The following FRMD5 variants were observed in gnomAD, a reference collection of about 807,000 sequenced individuals.
FRMD5 encodes FERM domain containing 5, also known as FERM domain-containing protein 5.
In FRMD5, 20 loss-of-function variants were observed where a neutral mutation model predicts 69.0. That is an observed-to-expected ratio of 0.29 (90% confidence interval 0.20 to 0.42). The LOEUF (loss-of-function observed/expected upper bound fraction) is 0.42, where lower values mean the gene tolerates loss of function less well. Ranked by LOEUF, FRMD5 falls within the 10% of genes least tolerant of loss-of-function variation. FRMD5 has a pLI of 1.00. For synonymous variants in FRMD5, 271 were observed against 260.1 expected, an observed-to-expected ratio of 1.04 and a Z score of -0.40; for missense variants, 595 against 708.6, an observed-to-expected ratio of 0.84 and a Z score of 1.82.
At chr15:43,876,209 C>A in intron 13 of FRMD5, 1 of 1,594,396 alleles carries the variant, frequency 6.3e-7, no homozygotes, top group East Asian at 2.2e-5. Flanking sequence ...CCCCTTTCCC[C>A]GCTTTTCCAG....
chr15:44,197,695 AAAAG>A (rs1272694040), upstream of FRMD5, among the ~76,000 whole-genome samples: 6 of 150,694 alleles, frequency 4.0e-5, no homozygotes, highest in African/African-American at 7.4e-5. Flanking sequence ...AAAAAAAAAA[AAAAG>A]AAAGAAAGGA....
chr15:44,078,585 T>C (rs1259957503), intron 1 of FRMD5, among the ~76,000 whole-genome samples: 1 of 152,076 alleles, frequency 6.6e-6, no homozygotes, highest in Non-Finnish European at 1.5e-5. Context: ...AACAGACATA[T>C]AGACCAAAGG....
At chr15:43,962,146 C>G (rs1046599692) in intron 1 of FRMD5, among the ~76,000 whole-genome samples, 3 of 152,144 alleles carry the variant, frequency 2.0e-5, no homozygotes, top group East Asian at 1.9e-4. Flanking sequence ...GATTGTATAT[C>G]TACAAAACCC....
chr15:44,094,725 C>A (rs1442342840), intron 1 of FRMD5, among the ~76,000 whole-genome samples: 1 of 152,104 alleles, frequency 6.6e-6, no homozygotes, highest in Non-Finnish European at 1.5e-5. Context: ...AGCTAATATT[C>A]ACTCTGAGCT....
At chr15:43,887,729 G>A (rs956380482) in intron 10 of FRMD5, among the ~76,000 whole-genome samples, 1 of 152,188 alleles carries the variant, frequency 6.6e-6, no homozygotes, top group African/African-American at 2.4e-5. Context: ...ACTGGAACTG[G>A]GACCTGGCCA....
chr15:44,044,521 C>T (rs546888662), intron 1 of FRMD5, among the ~76,000 whole-genome samples: 102 of 152,246 alleles, frequency 6.7e-4, no homozygotes, highest in Middle Eastern at 3.4e-3. Context: ...ACCCAAATGT[C>T]CATCAATGAT....
chr15:44,119,400 G>A (rs1430371728), intron 1 of FRMD5, among the ~76,000 whole-genome samples: 1 of 152,152 alleles, frequency 6.6e-6, no homozygotes, highest in African/African-American at 2.4e-5. Context: ...GACGTACAGT[G>A]ACACTACCCA....
At chr15:44,110,605 C>T (rs780007213) in intron 1 of FRMD5, among the ~76,000 whole-genome samples, 1 of 152,210 alleles carries the variant, frequency 6.6e-6, no homozygotes, top group African/African-American at 2.4e-5. Flanking sequence ...TCCATTACCT[C>T]TCTTAACACA....
intron 1 of FRMD5, among the ~76,000 whole-genome samples, chr15:44,168,881 C>A (rs1284614378): frequency 6.6e-6 from 1 of 152,174 alleles, no homozygotes; most frequent in Non-Finnish European, 1.5e-5. Context: ...CATCCTAACA[C>A]CCACCTGCTG....
intron 1 of FRMD5, among the ~76,000 whole-genome samples, chr15:44,173,413 G>C (rs530493062): frequency 1.3e-5 from 2 of 152,180 alleles, no homozygotes; most frequent in East Asian, 3.9e-4. Context: ...GGAGGAGGGG[G>C]ACTAAGGACA....
chr15:43,936,759 G>A (rs1439667102), intron 1 of FRMD5, among the ~76,000 whole-genome samples: 1 of 151,318 alleles, frequency 6.6e-6, no homozygotes, highest in Admixed American at 6.6e-5. Flanking sequence ...CTGTACTTGG[G>A]AAGGGAGGGA....
chr15:44,194,924 C>A lies in FRMD5; in HGVS notation c.102+29G>T, dbSNP rs1468805231. 4 of 1,503,632 alleles carry A rather than the reference C, an allele frequency of 2.7e-6. No individual in the cohort carries two copies. In the African/African-American group the frequency reaches 4.3e-5, roughly 16 times the overall value. The allele number at this position is 1,503,632 out of a possible 1,614,324, so 93.1% of individuals were successfully genotyped here. On this transcript the variant is annotated intron_variant, in intron 1 of 13. Transcript: ENST00000417257. ...AGACTTGGGGGACAAGGGGGTCCCGCGGGCGGGGCGGGGCGGCGCGGCGCT... is the reference window on the plus strand; with the variant it reads ...AGACTTGGGGGACAAGGGGGTCCCGAGGGCGGGGCGGGGCGGCGCGGCGCT...
At chr15:44,087,421 T>C (rs1414610624) in intron 1 of FRMD5, among the ~76,000 whole-genome samples, 1 of 152,140 alleles carries the variant, frequency 6.6e-6, no homozygotes, top group East Asian at 1.9e-4. Flanking sequence ...ATGCAATGAA[T>C]TCAGAGGAGA....
chr15:43,980,095 A>G (rs2090525698), intron 1 of FRMD5, among the ~76,000 whole-genome samples: 2 of 152,324 alleles, frequency 1.3e-5, no homozygotes, highest in South Asian at 4.1e-4. Flanking sequence ...AATTGATTGT[A>G]AGTGTGATTT....
chr15:44,150,796 T>C (rs979677694), intron 1 of FRMD5, among the ~76,000 whole-genome samples: 2 of 149,582 alleles, frequency 1.3e-5, no homozygotes, highest in Admixed American at 1.3e-4. Context: ...TCTCAGAAAA[T>C]AAATAAATAA....
At chr15:44,167,718 T>C (rs2077733828) in intron 1 of FRMD5, among the ~76,000 whole-genome samples, 1 of 152,188 alleles carries the variant, frequency 6.6e-6, no homozygotes, top group Admixed American at 6.5e-5. Flanking sequence ...GCCTCCCAAG[T>C]AGCTGGGATT....
At chr15:43,909,532 G>A (rs2089245948) in intron 5 of FRMD5, among the ~76,000 whole-genome samples, 1 of 151,718 alleles carries the variant, frequency 6.6e-6, no homozygotes, top group Admixed American at 6.6e-5. Flanking sequence ...CCAGGCTGGA[G>A]TGCAGTGGTG....
At chr15:43,911,158 C>T (rs1402984989) in intron 4 of FRMD5, among the ~76,000 whole-genome samples, 1 of 152,206 alleles carries the variant, frequency 6.6e-6, no homozygotes, top group East Asian at 1.9e-4. Flanking sequence ...CATGGTGGCT[C>T]CTTGGCCAGG....
At chr15:44,033,461 T>C (rs908502972) in intron 1 of FRMD5, among the ~76,000 whole-genome samples, 4 of 152,184 alleles carry the variant, frequency 2.6e-5, no homozygotes, top group Admixed American at 2.0e-4. Context: ...TTTCAATAAA[T>C]ATCCCAAATA....
Sources: gnomAD v4.1 joint callset for allele counts (sites outside exome capture counted in the v4.1 genomes callset) on GRCh38, gnomAD v4.1.1 for gene constraint, MANE v1.5 for transcripts, NCBI Gene and HGNC (gene_info 2026-07-23, HGNC 2026-07-21) for gene names.